Variants in FBXO4 observed in about 807,000 individuals in gnomAD.
The protein encoded by FBXO4 is F-box protein 4, also known as F-box only protein 4.
A neutral mutation model predicts 43.7 loss-of-function variants in FBXO4; 36 were observed. That is an observed-to-expected ratio of 0.82 (90% confidence interval 0.63 to 1.09). FBXO4 has a LOEUF of 1.09. Ranked by LOEUF, FBXO4 falls within the 50% of genes least tolerant of loss-of-function variation. FBXO4 has a pLI of 0.00. For synonymous variants in FBXO4, 180 were observed against 165.6 expected (o/e 1.09, Z -0.67); for missense variants, 435 against 474.1 (o/e 0.92, Z 0.77).
chr5:41,957,011 C>T, the FBXO4 span, among the ~76,000 whole-genome samples: 1 of 151,958 alleles, frequency 6.6e-6, no homozygotes, highest in Non-Finnish European at 1.5e-5. Context: ...TGCGCCTGGC[C>T]TTTTTTTCTT....
the FBXO4 span, among the ~76,000 whole-genome samples, chr5:41,956,106 A>G: frequency 6.6e-6 from 1 of 152,366 alleles, no homozygotes. Context: ...ATACAAAGAA[A>G]GATTATAATC....
chr5:41,959,559 T>G, the FBXO4 span, among the ~76,000 whole-genome samples: 12,090 of 152,176 alleles, frequency 0.079, 693 homozygotes, highest in African/African-American at 0.16. Flanking sequence ...AATTTTTGCA[T>G]GTGCTTTGAG....
chr5:41,989,001 A>C, the FBXO4 span, among the ~76,000 whole-genome samples: 1 of 152,120 alleles, frequency 6.6e-6, no homozygotes, highest in East Asian at 1.9e-4. Flanking sequence ...GCTTAGCAAA[A>C]TTTAGATTAT....
At position 41,929,687 on chromosome 5, in the gene FBXO4, T is replaced by A; in HGVS notation, c.426-10T>A. 6.4e-7 allele frequency: 1 copy of A among 1,564,814 alleles called. No homozygotes were observed. Among genetic ancestry groups the A allele is most frequent in the Non-Finnish European group, 8.6e-7 (1 of 1,160,136 alleles). ...TGTGTTAATGTTCTAATTGTGACAA[T>A]TTTTTACAGCTATAGAATGTGCTGT... is the stretch of plus-strand genomic sequence containing the variant. On this transcript the variant is annotated splice_polypyrimidine_tract_variant and intron_variant, in intron 2 of 6. Coordinates refer to ENST00000281623, the MANE Select transcript of FBXO4 (RefSeq NM_012176.3).
the FBXO4 span, among the ~76,000 whole-genome samples, chr5:42,001,416 G>A: frequency 6.6e-6 from 1 of 152,176 alleles, no homozygotes; most frequent in African/African-American, 2.4e-5. Flanking sequence ...ACTTTTAGTA[G>A]AGACGGGGTT....
the FBXO4 span, among the ~76,000 whole-genome samples, chr5:41,984,794 A>G: frequency 6.6e-6 from 1 of 152,234 alleles, no homozygotes; most frequent in Admixed American, 6.5e-5. Context: ...TACAGGTGTG[A>G]GCCACCCTGC....
At chr5:41,928,974 G>T (rs1224367668) in intron 2 of FBXO4, among the ~76,000 whole-genome samples, 1 of 152,160 alleles carries the variant, frequency 6.6e-6, no homozygotes, top group Non-Finnish European at 1.5e-5. Flanking sequence ...TAGTTTGCTA[G>T]GTTTGCTGCA....
chr5:42,013,317 C>T, the FBXO4 span, among the ~76,000 whole-genome samples: 1 of 152,066 alleles, frequency 6.6e-6, no homozygotes, highest in Non-Finnish European at 1.5e-5. Context: ...GTTTCTATAG[C>T]CATTCAAATT....
chr5:42,011,295 T>C, the FBXO4 span, among the ~76,000 whole-genome samples: 2 of 152,196 alleles, frequency 1.3e-5, no homozygotes, highest in Non-Finnish European at 2.9e-5. Flanking sequence ...TGCCATATCA[T>C]GGGAGTGAGT....
the FBXO4 span, among the ~76,000 whole-genome samples, chr5:42,005,882 A>G: frequency 6.6e-6 from 1 of 152,090 alleles, no homozygotes; most frequent in Non-Finnish European, 1.5e-5. Flanking sequence ...TAAAAAAACC[A>G]GTGACCCGCT....
At chr5:41,972,134 A>G in the FBXO4 span, among the ~76,000 whole-genome samples, 3 of 152,182 alleles carry the variant, frequency 2.0e-5, no homozygotes, top group Non-Finnish European at 2.9e-5. Flanking sequence ...AAATAGGAAG[A>G]GAGGAGGTAA....
At chr5:41,991,262 G>A in the FBXO4 span, among the ~76,000 whole-genome samples, 1 of 152,100 alleles carries the variant, frequency 6.6e-6, no homozygotes, top group Non-Finnish European at 1.5e-5. Context: ...ACTATTTACT[G>A]TCCACCAACT....
At chr5:41,991,844 C>T in the FBXO4 span, among the ~76,000 whole-genome samples, 2 of 152,118 alleles carry the variant, frequency 1.3e-5, no homozygotes, top group East Asian at 3.9e-4. Flanking sequence ...TTTGGGAGGC[C>T]GAGGAGGGCG....
At chr5:41,970,177 T>C in the FBXO4 span, among the ~76,000 whole-genome samples, 1 of 152,080 alleles carries the variant, frequency 6.6e-6, no homozygotes, top group Non-Finnish European at 1.5e-5. Flanking sequence ...TTAGCACTTA[T>C]AGATGCCTAA....
At chr5:42,038,770 C>A in the FBXO4 span, among the ~76,000 whole-genome samples, 1 of 152,068 alleles carries the variant, frequency 6.6e-6, no homozygotes, top group South Asian at 2.1e-4. Flanking sequence ...CTCCTCCCCA[C>A]TATCCTTCCC....
At chr5:41,986,486 C>T in the FBXO4 span, among the ~76,000 whole-genome samples, 22 of 152,204 alleles carry the variant, frequency 1.4e-4, no homozygotes, top group Non-Finnish European at 3.2e-4. Context: ...CACATCTAGC[C>T]TACTATTCAC....
At chr5:41,928,583 C>T (rs1751587338) in intron 2 of FBXO4, 2 of 152,528 alleles carry the variant, frequency 1.3e-5, no homozygotes, top group African/African-American at 4.8e-5. Context: ...ATCCACCCAC[C>T]TTGGCCTCCC....
rs200333615 is a variant in FBXO4, at chr5:41,929,790, T to A, written c.519T>A (p.Ile173=). Residue 173 remains isoleucine, a synonymous_variant, in exon 3 of 7, where the codon ATT becomes ATA. Transcript: ENST00000281623. ...AVTSFLHSLI[I]QNEPRFAMFG... ...CTTCTTTTTTACACTCCCTGATCAT[T>A]CAGAATGAACCACGATTTGCTATGT... 6.2e-7 allele frequency: 1 copy of A among 1,614,174 alleles called. No individual in the cohort carries two copies.
At chr5:41,963,586 T>G in the FBXO4 span, among the ~76,000 whole-genome samples, 3 of 152,200 alleles carry the variant, frequency 2.0e-5, no homozygotes, top group African/African-American at 7.2e-5. Context: ...TTGTCTTGTA[T>G]TCTTACAATT....
Sources: gnomAD v4.1 joint callset for allele counts (sites outside exome capture counted in the v4.1 genomes callset) on GRCh38, gnomAD v4.1.1 for gene constraint, MANE v1.5 for transcripts, NCBI Gene and HGNC (gene_info 2026-07-23, HGNC 2026-07-21) for gene names.